The following SUGCT variants were observed in gnomAD, a reference collection of about 807,000 sequenced individuals.
SUGCT encodes succinyl-CoA:glutarate CoA-transferase.
SUGCT carries 41 observed loss-of-function variants against 55.0 expected under a neutral mutation model. That is an observed-to-expected ratio of 0.74 (90% CI 0.58 to 0.97). The LOEUF (loss-of-function observed/expected upper bound fraction) is 0.97. Among genes scored for constraint, SUGCT ranks in the 50% least tolerant of loss-of-function variants. The pLI, the probability that SUGCT is intolerant of heterozygous loss-of-function variation, is 0.00. For synonymous variants in SUGCT, 187 were observed against 200.4 expected, an observed-to-expected ratio of 0.93 and a Z score of 0.56; for missense variants, 568 against 547.8, an observed-to-expected ratio of 1.04 and a Z score of -0.37.
At chr7:40,843,499 ACT>A (rs1793386620) in intron 13 of SUGCT, among the ~76,000 whole-genome samples, 1 of 150,912 alleles carries the variant, frequency 6.6e-6, no homozygotes, top group African/African-American at 2.4e-5. Context: ...ACAGAGAGAG[ACT>A]CTGTCTCAAA....
intron 12 of SUGCT, among the ~76,000 whole-genome samples, chr7:40,519,837 A>G (rs565391982): frequency 1.3e-5 from 2 of 152,218 alleles, no homozygotes; most frequent in Non-Finnish European, 2.9e-5. Flanking sequence ...TGAAACTCTA[A>G]TGGAGAATTA....
intron 12 of SUGCT, among the ~76,000 whole-genome samples, chr7:40,584,464 G>T (rs898705439): frequency 2.0e-5 from 3 of 152,156 alleles, no homozygotes; most frequent in Non-Finnish European, 4.4e-5. Context: ...TAGAAGTGAA[G>T]TTGGAAAATC....
Position 40,332,946 on chromosome 7 carries a change from G to A in SUGCT, c.816+16091G>A, listed in dbSNP as rs181346225. Among the ~76,000 whole-genome samples the A allele has an allele frequency of 2.4e-3, 371 of 152,242 alleles. 1 individual carries two copies. The highest frequency in any genetic ancestry group is 8.0e-3 in the African/African-American group (334 of 41,542). ...GGATGAAGGTGGTGTGTTGGGCATG[G>A]CAAAATCATCCATCCATCTAGACAG... On this transcript the variant is annotated intron_variant, in intron 9 of 13. Coordinates refer to ENST00000335693, the MANE Select transcript of SUGCT (RefSeq NM_001193313.2).
the SUGCT span, among the ~76,000 whole-genome samples, chr7:40,937,878 A>T: frequency 6.6e-6 from 1 of 152,200 alleles, no homozygotes; most frequent in Non-Finnish European, 1.5e-5. Flanking sequence ...TTCCACAGGC[A>T]GGAGCCAGAG....
At chr7:40,759,851 T>G (rs1170187751) in intron 13 of SUGCT, among the ~76,000 whole-genome samples, 1 of 151,966 alleles carries the variant, frequency 6.6e-6, no homozygotes, top group African/African-American at 2.4e-5. Flanking sequence ...TTGTTTTTGT[T>G]TTTTTAACAA....
At chr7:40,845,722 A>G (rs2128793918) in intron 13 of SUGCT, among the ~76,000 whole-genome samples, 1 of 152,356 alleles carries the variant, frequency 6.6e-6, no homozygotes, top group East Asian at 1.9e-4. Context: ...TTGTTCGACA[A>G]ATAATTAACA....
At chr7:40,466,277 C>T (rs1000498693) in intron 11 of SUGCT, among the ~76,000 whole-genome samples, 3 of 152,172 alleles carry the variant, frequency 2.0e-5, no homozygotes, top group Admixed American at 2.0e-4. Flanking sequence ...GTCAGCCTTG[C>T]CTGGGTCACA....
At chr7:40,428,513 C>G (rs1787717143) in intron 9 of SUGCT, among the ~76,000 whole-genome samples, 1 of 113,934 alleles carries the variant, frequency 8.8e-6, no homozygotes, top group South Asian at 3.4e-4. Flanking sequence ...CTCTCTTTCT[C>G]TGTCTCTGCT....
intron 12 of SUGCT, among the ~76,000 whole-genome samples, chr7:40,611,971 A>G (rs1238119775): frequency 6.6e-6 from 1 of 151,024 alleles, no homozygotes; most frequent in Non-Finnish European, 1.5e-5. Flanking sequence ...TTATAAATTT[A>G]TGTCTCATTA....
chr7:40,846,812 A>T (rs1360808275), intron 13 of SUGCT, among the ~76,000 whole-genome samples: 1 of 152,192 alleles, frequency 6.6e-6, no homozygotes, highest in Non-Finnish European at 1.5e-5. Flanking sequence ...AACCAGCCTA[A>T]GTTCTAATGA....
At chr7:40,652,877 G>T (rs1800845230) in intron 12 of SUGCT, among the ~76,000 whole-genome samples, 1 of 152,100 alleles carries the variant, frequency 6.6e-6, no homozygotes, top group Admixed American at 6.6e-5. Flanking sequence ...CCCTTCTTGT[G>T]GAATATTTGA....
intron 11 of SUGCT, among the ~76,000 whole-genome samples, chr7:40,461,416 A>T (rs374518197): frequency 1.3e-5 from 2 of 152,078 alleles, no homozygotes; most frequent in African/African-American, 4.8e-5. Context: ...ACATGTTTCC[A>T]AAGGACGGCC....
chr7:40,901,655 A>G, the SUGCT span, among the ~76,000 whole-genome samples: 1 of 152,208 alleles, frequency 6.6e-6, no homozygotes, highest in East Asian at 1.9e-4. Flanking sequence ...TTCTTGGCAC[A>G]TAGATCCCAA....
intron 9 of SUGCT, among the ~76,000 whole-genome samples, chr7:40,424,484 A>G (rs942343241): frequency 6.6e-6 from 1 of 152,096 alleles, no homozygotes; most frequent in African/African-American, 2.4e-5. Flanking sequence ...TTGAGGTTCT[A>G]TCAGATTTTA....
intron 12 of SUGCT, among the ~76,000 whole-genome samples, chr7:40,630,463 A>G (rs1207892774): frequency 6.6e-6 from 1 of 152,240 alleles, no homozygotes; most frequent in Non-Finnish European, 1.5e-5. Context: ...AGAAAGGATA[A>G]GCAGAAACTA....
rs187582843 is a variant in SUGCT at position 40,630,109 on chromosome 7, G to A, written c.1090-119325G>A. 1.5e-3 allele frequency among the ~76,000 whole-genome samples: 222 copies of A among 152,328 alleles called. 2 individuals carry two copies. The highest frequency in any genetic ancestry group is 5.0e-3 in the African/African-American group (207 of 41,572). On this transcript the variant is annotated intron_variant, in intron 12 of 13. Coordinates refer to ENST00000335693, the MANE Select transcript of SUGCT (RefSeq NM_001193313.2). ...CACTTCCTCCTCAACCAGCCAGAGCGATCCTACGCTTTGCGCCTCCCATCA... is the reference window on the plus strand; with the variant it reads ...CACTTCCTCCTCAACCAGCCAGAGCAATCCTACGCTTTGCGCCTCCCATCA...
At chr7:40,564,315 G>T (rs1165728126) in intron 12 of SUGCT, among the ~76,000 whole-genome samples, 2 of 152,232 alleles carry the variant, frequency 1.3e-5, no homozygotes, top group Non-Finnish European at 2.9e-5. Context: ...AGCGGAGTTT[G>T]CAGTGAGCCG....
At position 40,499,007 on chromosome 7, in the gene SUGCT, C is replaced by T. The variant is rs1423983319; in HGVS notation, c.1089+2621C>T. 1.1e-5 allele frequency: 5 copies of T among 440,746 alleles called. 1 individual carries two copies. In the Middle Eastern group the frequency reaches 1.3e-3, roughly 118 times the overall value. 27.3% of individuals were successfully genotyped at this position (440,746 alleles called of 1,614,324 possible). On this transcript the variant is annotated intron_variant, in intron 12 of 13. Coordinates refer to ENST00000335693, the MANE Select transcript of SUGCT (RefSeq NM_001193313.2). Reference sequence around the variant, plus strand: ...TAAAAGTTTTTTCTAAGTATGATTTCCGTTTAAGGTATCCTCCCTTGTTTT... The same window carrying T: ...TAAAAGTTTTTTCTAAGTATGATTTTCGTTTAAGGTATCCTCCCTTGTTTT...
the SUGCT span, among the ~76,000 whole-genome samples, chr7:41,006,946 A>AAG: frequency 6.6e-6 from 1 of 152,200 alleles, no homozygotes; most frequent in Non-Finnish European, 1.5e-5. Context: ...AAGTTACATG[A>AAG]TTATCCACTG....
Sources: allele counts gnomAD v4.1 joint callset (sites outside exome capture counted in the v4.1 genomes callset), GRCh38; gene constraint gnomAD v4.1.1; transcripts MANE v1.5; gene names NCBI Gene and HGNC (gene_info 2026-07-23, HGNC 2026-07-21).